TENM3: variants seen among roughly 807,000 people sequenced by gnomAD.
The protein encoded by TENM3 is teneurin transmembrane protein 3.
In TENM3, 63 loss-of-function variants were observed where a neutral mutation model predicts 255.1. The observed-to-expected ratio is 0.25, with a 90% CI of 0.20 to 0.30. The LOEUF (loss-of-function observed/expected upper bound fraction) is 0.30, where lower values mean the gene tolerates loss of function less well. TENM3 is among the 10% of genes least tolerant of loss of function. The probability of loss-of-function intolerance (pLI) is 1.00; values close to 1 mark genes in which losing one functional copy is unlikely to be tolerated. For synonymous variants in TENM3, 1,306 were observed against 1,322.3 expected (o/e 0.99, Z 0.27); for missense variants, 2,929 against 3,461.1 (o/e 0.85, Z 3.86).
At chr4:181,849,105 A>G in the TENM3 span, among the ~76,000 whole-genome samples, 1 of 152,228 alleles carries the variant, frequency 6.6e-6, no homozygotes, top group Admixed American at 6.5e-5. Context: ...AGCTACAGTG[A>G]GGGGTCTTCC....
At chr4:181,953,856 A>G in the TENM3 span, among the ~76,000 whole-genome samples, 1 of 152,132 alleles carries the variant, frequency 6.6e-6, no homozygotes, top group Non-Finnish European at 1.5e-5. Context: ...TGACATATTT[A>G]TACACCATGA....
chr4:182,040,800 A>C, the TENM3 span, among the ~76,000 whole-genome samples: 600 of 152,008 alleles, frequency 3.9e-3, 2 homozygotes, highest in African/African-American at 0.014. Flanking sequence ...TAAATCCTCC[A>C]TGGTTTTTTG....
At chr4:182,376,231 T>C (rs1767172266) in intron 3 of TENM3, among the ~76,000 whole-genome samples, 1 of 152,170 alleles carries the variant, frequency 6.6e-6, no homozygotes, top group Admixed American at 6.5e-5. Flanking sequence ...TTCTAACAGT[T>C]CTCCCCTGTG....
At chr4:181,757,410 T>C in the TENM3 span, among the ~76,000 whole-genome samples, 26 of 152,272 alleles carry the variant, frequency 1.7e-4, no homozygotes, top group Non-Finnish European at 3.8e-4. Flanking sequence ...ATATTTCTCA[T>C]GTTTTGGAGA....
chr4:182,687,745 A>T (rs1183034411), intron 11 of TENM3, among the ~76,000 whole-genome samples: 5 of 119,736 alleles, frequency 4.2e-5, no homozygotes, highest in Non-Finnish European at 8.6e-5. Context: ...ATGAAATCCA[A>T]GTCCTGTTAG....
At chr4:182,498,257 A>G (rs1735989457) in intron 3 of TENM3, among the ~76,000 whole-genome samples, 2 of 152,180 alleles carry the variant, frequency 1.3e-5, no homozygotes, top group South Asian at 4.1e-4. Context: ...ACCTAGTGAA[A>G]CACCCAGATG....
chr4:182,613,467 G>A (rs149947284), intron 4 of TENM3, among the ~76,000 whole-genome samples: 56 of 152,280 alleles, frequency 3.7e-4, no homozygotes, highest in African/African-American at 1.3e-3. Flanking sequence ...ACCTGTCTAA[G>A]TTAAAGTAAG....
chr4:182,041,199 G>T, the TENM3 span, among the ~76,000 whole-genome samples: 1 of 152,056 alleles, frequency 6.6e-6, no homozygotes, highest in Non-Finnish European at 1.5e-5. Context: ...TGTCGTGTAT[G>T]TATGTGTATG....
At chr4:181,580,371 A>G in the TENM3 span, among the ~76,000 whole-genome samples, 1 of 152,160 alleles carries the variant, frequency 6.6e-6, no homozygotes, top group African/African-American at 2.4e-5. Flanking sequence ...GGGCATATGC[A>G]GATCTTCTCC....
At chr4:182,771,498 T>TG (rs35700441) in intron 22 of TENM3, among the ~76,000 whole-genome samples, 24,399 of 137,228 alleles carry the variant, frequency 0.18, 2,619 homozygotes, top group Admixed American at 0.32. Flanking sequence ...GTCTCTGAAA[T>TG]GGGGGGGGGG....
At chr4:181,627,774 T>G in the TENM3 span, among the ~76,000 whole-genome samples, 1 of 152,224 alleles carries the variant, frequency 6.6e-6, no homozygotes. Flanking sequence ...TTTGCTATTG[T>G]GAATAGTACC....
intron 5 of TENM3, among the ~76,000 whole-genome samples, chr4:182,644,037 C>T (rs1752535383): frequency 6.6e-6 from 1 of 152,186 alleles, no homozygotes; most frequent in African/African-American, 2.4e-5. Flanking sequence ...CAGGCCCTCC[C>T]AGCACGCTAC....
At chr4:181,784,709 T>C in the TENM3 span, among the ~76,000 whole-genome samples, 1 of 152,184 alleles carries the variant, frequency 6.6e-6, no homozygotes, top group Admixed American at 6.6e-5. Flanking sequence ...CCATTTCTCA[T>C]GAGGACTATA....
At chr4:182,298,984 CAAAAAAAAAAAAAAAAAAA>C (rs11283401) in intron 1 of TENM3, among the ~76,000 whole-genome samples, 3 of 25,562 alleles carry the variant, frequency 1.2e-4, no homozygotes, top group Non-Finnish European at 1.4e-4. Context: ...GACTCCTTCT[CAAAAAAAAAAAAAAAAAAA>C]AAAAAAAAAA....
At chr4:181,924,276 A>T in the TENM3 span, among the ~76,000 whole-genome samples, 5 of 152,182 alleles carry the variant, frequency 3.3e-5, no homozygotes, top group Non-Finnish European at 7.4e-5. Flanking sequence ...GGGACAAAGG[A>T]AACAACACAA....
chr4:182,155,784 A>G lies in TENM3; in HGVS notation c.-76+11030A>G, dbSNP rs543166441. Among the ~76,000 whole-genome samples, 472 of 152,280 alleles carry G rather than the reference A, an allele frequency of 3.1e-3. 2 individuals carry two copies. Among genetic ancestry groups the G allele is most frequent in the Middle Eastern group, 6.8e-3 (2 of 294 alleles). ...AAACACAAGGTTTAATACATATCTT[A>G]AATCATTGTCTGATCGAGAAACATT... On this transcript the variant is annotated intron_variant, in intron 1 of 2. Coordinates refer to the TENM3 transcript ENST00000512480.
intron 4 of TENM3, among the ~76,000 whole-genome samples, chr4:182,620,056 A>G (rs890072511): frequency 4.6e-5 from 7 of 152,196 alleles, no homozygotes; most frequent in Admixed American, 3.9e-4. Context: ...GGTCAAAAGC[A>G]TATGTTTTTG....
chr4:182,279,628 C>A (rs1267377260), intron 1 of TENM3, among the ~76,000 whole-genome samples: 1 of 152,166 alleles, frequency 6.6e-6, no homozygotes, highest in Non-Finnish European at 1.5e-5. Context: ...GTAGGTCATG[C>A]TCATGAGCCA....
the TENM3 span, among the ~76,000 whole-genome samples, chr4:181,687,051 G>A: frequency 6.6e-6 from 1 of 152,228 alleles, no homozygotes; most frequent in East Asian, 1.9e-4. Context: ...TTAAAAAAGA[G>A]AGATGCATAG....
Sources: allele counts gnomAD v4.1 joint callset (sites outside exome capture counted in the v4.1 genomes callset), GRCh38; gene constraint gnomAD v4.1.1; transcripts MANE v1.5; gene names NCBI Gene and HGNC (gene_info 2026-07-23, HGNC 2026-07-21).